KCND2: variants seen among roughly 807,000 people sequenced by gnomAD.
KCND2 encodes the protein potassium voltage-gated channel subfamily D member 2.
KCND2 carries 16 observed loss-of-function variants against 54.4 expected under a neutral mutation model. The observed-to-expected ratio is 0.29, with a 90% CI of 0.20 to 0.45. KCND2 has a LOEUF of 0.45. Ranked by LOEUF, KCND2 falls within the 20% of genes least tolerant of loss-of-function variation. The pLI, the probability that KCND2 is intolerant of heterozygous loss-of-function variation, is 1.00. For missense variants in KCND2, 486 were observed against 824.2 expected (o/e 0.59, Z 5.02); for synonymous variants, 317 against 310.7 (o/e 1.02, Z -0.21).
At chr7:120,488,119 AG>A (rs1421289106) in intron 1 of KCND2, among the ~76,000 whole-genome samples, 1 of 152,004 alleles carries the variant, frequency 6.6e-6, no homozygotes, top group Non-Finnish European at 1.5e-5. Context: ...CTCTTGAACT[AG>A]GGAGGTCGAG....
At chr7:120,457,940 G>C (rs1008286147) in intron 1 of KCND2, among the ~76,000 whole-genome samples, 10 of 152,244 alleles carry the variant, frequency 6.6e-5, no homozygotes, top group African/African-American at 2.4e-4. Flanking sequence ...GGGTTGTGGA[G>C]GCCTCTGGAA....
Position 120,539,730 on chromosome 7 carries a change from A to G in KCND2, c.1116-193173A>G, listed in dbSNP as rs188780844. Among the ~76,000 whole-genome samples the G allele has an allele frequency of 5.3e-3, 813 of 152,286 alleles. 4 individuals are homozygous for G. Among genetic ancestry groups the G allele is most frequent in the African/African-American group, 0.018 (748 of 41,554 alleles). On this transcript the variant is annotated intron_variant, in intron 1 of 5. Transcript: ENST00000331113. ...TATATTCTAGCAAATGAACATATCT[A>G]TAATCTCTTAGTTACCAATTTTTTG...
At chr7:120,350,040 A>C (rs1800379643) in intron 1 of KCND2, among the ~76,000 whole-genome samples, 1 of 152,092 alleles carries the variant, frequency 6.6e-6, no homozygotes, top group South Asian at 2.1e-4. Context: ...TTATAACTTT[A>C]TATAACATAA....
In KCND2 at chr7:120,274,745, C is replaced by G. The variant is rs1271560602; in HGVS notation, c.113C>G (p.Thr38Ser). ...PAPPRQERKRTQDALIVLNVS... is the reference protein window; with the variant it reads ...PAPPRQERKRSQDALIVLNVS... ...CCCCCGAGGCAGGAGAGGAAAAGGA[C>G]CCAAGATGCTCTCATTGTGCTGAAT... Residue 38 changes from threonine to serine, a missense_variant, in exon 1 of 6, where the codon ACC becomes AGC. Transcript: ENST00000331113. 1 of 1,613,936 alleles carries G rather than the reference C, an allele frequency of 6.2e-7. No homozygotes were observed. Among genetic ancestry groups the G allele is most frequent in the African/African-American group, 1.3e-5 (1 of 74,910 alleles).
chr7:120,555,302 A>T (rs17347436), intron 1 of KCND2, among the ~76,000 whole-genome samples: 1 of 152,164 alleles, frequency 6.6e-6, no homozygotes, highest in Admixed American at 6.5e-5. Flanking sequence ...GGAGACAAAC[A>T]TATTCATATT....
intron 1 of KCND2, among the ~76,000 whole-genome samples, chr7:120,623,542 A>G (rs1279760760): frequency 6.6e-6 from 1 of 152,178 alleles, no homozygotes; most frequent in Non-Finnish European, 1.5e-5. Context: ...GCTTAGCAGT[A>G]TAGGTGAGGT....
intron 1 of KCND2, among the ~76,000 whole-genome samples, chr7:120,528,534 G>A (rs1047472430): frequency 6.6e-6 from 1 of 152,086 alleles, no homozygotes; most frequent in African/African-American, 2.4e-5. Flanking sequence ...TGAGATAGGA[G>A]TCAGTATCCT....
chr7:120,648,015 T>C (rs527876843), intron 1 of KCND2, among the ~76,000 whole-genome samples: 4 of 152,304 alleles, frequency 2.6e-5, no homozygotes, highest in African/African-American at 9.6e-5. Context: ...AATTAGTTAG[T>C]TTTTTCTTAA....
At chr7:120,675,830 G>A (rs564196329) in intron 1 of KCND2, among the ~76,000 whole-genome samples, 14 of 149,978 alleles carry the variant, frequency 9.3e-5, no homozygotes, top group African/African-American at 3.4e-4. Flanking sequence ...AGTGAGCATA[G>A]TGTCTTCCTA....
At chr7:120,579,288 T>A (rs1056467756) in intron 1 of KCND2, among the ~76,000 whole-genome samples, 3 of 152,060 alleles carry the variant, frequency 2.0e-5, no homozygotes, top group African/African-American at 4.8e-5. Context: ...TATTCTCAGA[T>A]TTATCTTTTA....
intron 1 of KCND2, among the ~76,000 whole-genome samples, chr7:120,347,757 CA>C (rs796126641): frequency 0.047 from 5,259 of 113,088 alleles, 251 homozygotes; most frequent in African/African-American, 0.14. Flanking sequence ...AACTCTGTCT[CA>C]AAAAAAAAAA....
At chr7:120,338,289 T>G (rs953834463) in intron 1 of KCND2, among the ~76,000 whole-genome samples, 65 of 152,166 alleles carry the variant, frequency 4.3e-4, no homozygotes, top group African/African-American at 1.5e-3. Context: ...TATCTCTTAC[T>G]TCTCACTAGA....
chr7:120,281,761 C>T (rs1487179825), intron 1 of KCND2, among the ~76,000 whole-genome samples: 1 of 152,114 alleles, frequency 6.6e-6, no homozygotes, highest in Non-Finnish European at 1.5e-5. Flanking sequence ...TAATGTGTTG[C>T]TGATCATGGT....
intron 1 of KCND2, among the ~76,000 whole-genome samples, chr7:120,294,579 T>G: frequency 6.6e-6 from 1 of 151,864 alleles, no homozygotes; most frequent in East Asian, 1.9e-4. Context: ...TTTATCTAAC[T>G]GAAAGTTTAG....
chr7:120,336,693 T>C (rs2116358079), intron 1 of KCND2, among the ~76,000 whole-genome samples: 1 of 152,236 alleles, frequency 6.6e-6, no homozygotes, highest in Non-Finnish European at 1.5e-5. Context: ...TCAGTTTTTC[T>C]AATGGTAGAA....
chr7:120,647,315 G>A (rs1369257028), intron 1 of KCND2, among the ~76,000 whole-genome samples: 1 of 152,144 alleles, frequency 6.6e-6, no homozygotes, highest in East Asian at 1.9e-4. Flanking sequence ...TCAGTTCTCT[G>A]TGGCTGGCTG....
At chr7:120,327,739 C>T (rs915084046) in intron 1 of KCND2, among the ~76,000 whole-genome samples, 1 of 151,598 alleles carries the variant, frequency 6.6e-6, no homozygotes, top group Non-Finnish European at 1.5e-5. Context: ...TAATCACTCT[C>T]ACTGCAGAAG....
At chr7:120,314,547 G>T (rs1479420125) in intron 1 of KCND2, among the ~76,000 whole-genome samples, 2 of 152,070 alleles carry the variant, frequency 1.3e-5, no homozygotes, top group Admixed American at 1.3e-4. Context: ...TTACCATAAA[G>T]AATAAATTAT....
Position 120,274,482 on chromosome 7 carries a change from C to T in KCND2, c.-151C>T. The T allele has an allele frequency of 2.4e-6, 2 of 844,336 alleles. No individual in the cohort carries two copies. The highest frequency in any genetic ancestry group is 2.0e-6 in the Non-Finnish European group (1 of 506,342). 52.3% of individuals were successfully genotyped at this position (844,336 alleles called of 1,614,324 possible). A position where few individuals can be genotyped will look rare whatever the true frequency, so the allele number is the denominator to read the frequency against. ...TGCCCTTCTGAGAACTGTGACTTTA[C>T]CAGGAGCCCTATCTTGGAATAAGAG... is the stretch of plus-strand genomic sequence containing the variant. On this transcript the variant is annotated 5_prime_UTR_variant, in exon 1 of 6. Transcript: ENST00000331113.
Sources: gnomAD v4.1 joint callset for allele counts (sites outside exome capture counted in the v4.1 genomes callset) on GRCh38, gnomAD v4.1.1 for gene constraint, MANE v1.5 for transcripts, NCBI Gene and HGNC (gene_info 2026-07-23, HGNC 2026-07-21) for gene names.